MET: variants seen among roughly 807,000 people sequenced by gnomAD.
MET encodes the protein MET proto-oncogene, receptor tyrosine kinase, also known as hepatocyte growth factor receptor.
A neutral mutation model predicts 133.1 loss-of-function variants in MET; 48 were observed. That is an observed-to-expected ratio of 0.36 (90% CI 0.29 to 0.46). MET has a LOEUF of 0.46. Among genes scored for constraint, MET ranks in the 20% least tolerant of loss-of-function variants. MET has a pLI of 1.00. For synonymous variants in MET, 628 were observed against 616.5 expected (o/e 1.02, Z -0.28); for missense variants, 1,442 against 1,695.9 (o/e 0.85, Z 2.63).
rs1432247099 is a variant in MET, at chr7:116,763,273, G to A, written c.2583+5G>A. On this transcript the variant is annotated splice_donor_5th_base_variant and intron_variant, in intron 11 of 20. Transcript: ENST00000397752. The stretch of plus-strand genomic sequence containing the variant: ...GAAAATGTACTGGAAATTAAGGTAA[G>A]AAATGCTTTAAACACTGTCTTAAAT... The A allele has an allele frequency of 3.1e-6, 5 of 1,611,582 alleles. No homozygotes were observed. Among genetic ancestry groups the A allele is most frequent in the Non-Finnish European group, 4.2e-6 (5 of 1,178,006 alleles).
chr7:116,768,043 T>TAA (rs1554397556), intron 11 of MET, among the ~76,000 whole-genome samples: 36 of 150,666 alleles, frequency 2.4e-4, no homozygotes, highest in African/African-American at 6.3e-4. Context: ...TATATATATA[T>TAA]AACTGATAGT....
At chr7:116,706,968 T>C (rs1335465711) in intron 2 of MET, among the ~76,000 whole-genome samples, 1 of 151,388 alleles carries the variant, frequency 6.6e-6, no homozygotes, top group East Asian at 1.9e-4. Flanking sequence ...GCTAATTACA[T>C]ATTTTTTTCT....
At chr7:116,736,313 C>T (rs1271902332) in intron 3 of MET, among the ~76,000 whole-genome samples, 1 of 150,520 alleles carries the variant, frequency 6.6e-6, no homozygotes, top group Non-Finnish European at 1.5e-5. Flanking sequence ...GGATGTGGGG[C>T]TTCTTTTTGA....
chr7:116,777,837 A>G (rs1284084342), intron 16 of MET, among the ~76,000 whole-genome samples: 3 of 152,236 alleles, frequency 2.0e-5, no homozygotes, highest in African/African-American at 4.8e-5. Flanking sequence ...AGGCATTACT[A>G]TAATTATTTT....
At chr7:116,684,550 T>C (rs1436403535) in intron 1 of MET, among the ~76,000 whole-genome samples, 2 of 152,180 alleles carry the variant, frequency 1.3e-5, no homozygotes, top group African/African-American at 2.4e-5. Context: ...CAGAGAAGGC[T>C]TCCCAGAACT....
intron 1 of MET, among the ~76,000 whole-genome samples, chr7:116,691,348 A>T (rs1796774192): frequency 6.6e-6 from 1 of 152,238 alleles, no homozygotes; most frequent in African/African-American, 2.4e-5. Context: ...TAAAGTAATT[A>T]TTCAAGTAAA....
intron 11 of MET, among the ~76,000 whole-genome samples, chr7:116,765,518 C>T (rs945772377): frequency 1.3e-5 from 2 of 151,914 alleles, no homozygotes; most frequent in South Asian, 2.1e-4. Flanking sequence ...GGCAAAAGGG[C>T]GAGCCAGGTT....
intron 10 of MET, among the ~76,000 whole-genome samples, chr7:116,760,961 G>T (rs1327408036): frequency 2.0e-5 from 3 of 152,100 alleles, no homozygotes; most frequent in South Asian, 4.2e-4. Context: ...AACCAAATAA[G>T]AATAATAGTG....
chr7:116,742,118 G>A (rs538168047), intron 5 of MET, among the ~76,000 whole-genome samples: 8 of 152,242 alleles, frequency 5.3e-5, no homozygotes, highest in South Asian at 4.1e-4. Context: ...TAAAGGTCTC[G>A]GTCACCTGGT....
intron 2 of MET, among the ~76,000 whole-genome samples, chr7:116,730,573 A>G (rs987939302): frequency 3.3e-5 from 5 of 152,266 alleles, no homozygotes; most frequent in South Asian, 2.1e-4. Flanking sequence ...GGTGGCTAGG[A>G]TGAAAATTGG....
In MET at chr7:116,742,339, C is replaced by A. The variant is rs1029045424; in HGVS notation, c.1701+1314C>A. Among the ~76,000 whole-genome samples, 4 of 152,170 alleles carry A rather than the reference C, an allele frequency of 2.6e-5. No individual in the cohort carries two copies. The East Asian group carries it at 5.8e-4, about 22-fold the overall frequency. On this transcript the variant is annotated intron_variant, in intron 5 of 20. Coordinates refer to ENST00000397752, the MANE Select transcript of MET (RefSeq NM_000245.4). The stretch of plus-strand genomic sequence containing the variant: ...AGACAGTGACAAAACAAATTTAAAT[C>A]TATACTGTAGTATTTGTGTACTTTT...
At chr7:116,768,473 C>T (rs918469239) in intron 11 of MET, among the ~76,000 whole-genome samples, 1 of 152,114 alleles carries the variant, frequency 6.6e-6, no homozygotes, top group African/African-American at 2.4e-5. Flanking sequence ...GTTCAATGGA[C>T]TACACATACT....
At chr7:116,769,909 C>T (rs1794778600) in intron 12 of MET, 118 bp downstream of exon 12, 2 of 1,362,834 alleles carry the variant, frequency 1.5e-6, no homozygotes, top group African/African-American at 1.4e-5. Flanking sequence ...CTCATCAACT[C>T]AGCCTGCATT....
intron 2 of MET, among the ~76,000 whole-genome samples, chr7:116,703,623 T>A (rs1209856153): frequency 6.6e-6 from 1 of 152,120 alleles, no homozygotes; most frequent in Admixed American, 6.6e-5. Context: ...AAGTGGAATT[T>A]AATTTTAAGA....
chr7:116,757,328 T>C (rs1417290378), intron 6 of MET, 109 bp from the exon 7 acceptor site: 2 of 859,138 alleles, frequency 2.3e-6, no homozygotes, highest in Non-Finnish European at 3.9e-6. Flanking sequence ...CTGCTTGCTA[T>C]TCAAAGCAGT....
intron 2 of MET, among the ~76,000 whole-genome samples, chr7:116,731,068 G>C (rs1562903059): frequency 6.6e-6 from 1 of 152,128 alleles, no homozygotes; most frequent in South Asian, 2.1e-4. Flanking sequence ...CTACTTTACA[G>C]ATTAGGGGGA....
chr7:116,755,044 A>AAAGAAAG, intron 5 of MET, among the ~76,000 whole-genome samples: 1 of 143,776 alleles, frequency 7.0e-6, no homozygotes, highest in South Asian at 2.2e-4. Flanking sequence ...AAGAAAGAAA[A>AAAGAAAG]GAAAGAAAGA....
intron 10 of MET, among the ~76,000 whole-genome samples, chr7:116,762,400 T>C (rs1351171595): frequency 6.6e-6 from 1 of 152,154 alleles, no homozygotes; most frequent in Non-Finnish European, 1.5e-5. Context: ...CCTATAGGAT[T>C]ATCAGGAGAA....
chr7:116,776,754 A>C (rs1200808228), intron 15 of MET, among the ~76,000 whole-genome samples: 1 of 152,178 alleles, frequency 6.6e-6, no homozygotes, highest in East Asian at 1.9e-4. Context: ...CCACTGGATA[A>C]AAGGCTACCA....
Sources: allele counts gnomAD v4.1 joint callset (sites outside exome capture counted in the v4.1 genomes callset), GRCh38; gene constraint gnomAD v4.1.1; transcripts MANE v1.5; gene names NCBI Gene and HGNC (gene_info 2026-07-23, HGNC 2026-07-21).